Variants in TANC1 observed in about 807,000 individuals in gnomAD.
TANC1 encodes the protein protein TANC1.
TANC1 carries 77 observed loss-of-function variants against 149.7 expected under a neutral mutation model. The ratio of observed to expected loss-of-function variants is 0.51; its 90% CI spans 0.43 to 0.62. The LOEUF (loss-of-function observed/expected upper bound fraction) is 0.62, where lower values mean the gene tolerates loss of function less well. Ranked by LOEUF, TANC1 falls within the 20% of genes least tolerant of loss-of-function variation. TANC1 has a pLI of 0.00. For missense variants in TANC1, 1,985 were observed against 2,321.8 expected, an observed-to-expected ratio of 0.85 and a Z score of 2.98; for synonymous variants, 854 against 925.0, an observed-to-expected ratio of 0.92 and a Z score of 1.39.
intron 16 of TANC1, among the ~76,000 whole-genome samples, 190 bp downstream of exon 16, chr2:159,187,214 T>C (rs2057055487): frequency 1.3e-5 from 2 of 152,224 alleles, no homozygotes; most frequent in Admixed American, 1.3e-4. Context: ...TTAGCTTTTC[T>C]TTGGCAGGAA....
chr2:159,000,126 G>A (rs2036492567), intron 1 of TANC1, among the ~76,000 whole-genome samples: 1 of 152,114 alleles, frequency 6.6e-6, no homozygotes, highest in South Asian at 2.1e-4. Flanking sequence ...GGTGGGAGTT[G>A]GGTTGGGGTA....
rs146778655 is a variant in TANC1, at chr2:159,104,981, C to CT, written c.259+7178dup. 3.2e-4 allele frequency among the ~76,000 whole-genome samples: 14 copies of CT among 43,384 alleles called. 2 individuals are homozygous for CT. The highest frequency in any genetic ancestry group is 7.8e-4 in the African/African-American group (11 of 14,020). The allele number at this position is 43,384 out of a possible 152,430, so 28.5% of individuals were successfully genotyped here. ...AACATTTCTGATTGTTGGATATTTG[C>CT]TTTTTTTTTTTTTTTTTTTTTTTTT... On this transcript the variant is annotated intron_variant, in intron 4 of 26. Coordinates refer to ENST00000263635, the MANE Select transcript of TANC1 (RefSeq NM_033394.3).
intron 25 of TANC1, 119 bp downstream of exon 25, chr2:159,228,084 T>A: frequency 8.9e-7 from 1 of 1,121,708 alleles, no homozygotes; most frequent in South Asian, 1.5e-5. Context: ...TGCTTGCACA[T>A]TTACATGAAC....
Position 159,163,463 on chromosome 2 carries a change from C to T in TANC1, c.863C>T (p.Ala288Val), listed in dbSNP as rs758340201. The T allele has an allele frequency of 7.6e-5, 123 of 1,613,842 alleles. No individual in the cohort carries two copies. The highest frequency in any genetic ancestry group is 9.7e-5 in the Non-Finnish European group (115 of 1,180,024). ...TCAGCAGAGAGCACGCTGCCCAAAG[C>T]AGAATCCTCAGCTGGAGATGGTCCA... ...TGSAESTLPK[A>V]ESSAGDGPVP... is the part of the protein sequence containing the mutation. Residue 288 changes from alanine (A) to valine (V), a missense_variant, in exon 8 of 27, where the codon GCA (alanine) becomes GTA (valine). By Grantham distance (64) the Ala-to-Val change is moderately conservative. Coordinates refer to ENST00000263635, the MANE Select transcript of TANC1 (RefSeq NM_033394.3).
Position 159,201,640 on chromosome 2 carries a change from CTG to C in TANC1, c.3244+2589_3244+2590del, listed in dbSNP as rs369543163. 2.8e-4 allele frequency among the ~76,000 whole-genome samples: 43 copies of C among 152,300 alleles called. No homozygotes were observed. In the East Asian group the frequency reaches 7.3e-3, roughly 26 times the overall value. On this transcript the variant is annotated intron_variant, in intron 19 of 26. Transcript: ENST00000263635. ...TGTGTCCAAAACACTCTAGGATGGACTGTATCTGTCCCTAGCCACAGCACAAG... is the reference window on the plus strand; with the variant it reads ...TGTGTCCAAAACACTCTAGGATGGACTATCTGTCCCTAGCCACAGCACAAG...
At chr2:159,223,319 T>A (rs1201108477) in intron 22 of TANC1, among the ~76,000 whole-genome samples, 5 of 152,098 alleles carry the variant, frequency 3.3e-5, no homozygotes, top group African/African-American at 1.2e-4. Flanking sequence ...TTTTTAATTG[T>A]AGCCATCGTA....
intron 4 of TANC1, among the ~76,000 whole-genome samples, chr2:159,100,749 C>T (rs2046603586): frequency 1.3e-5 from 2 of 152,138 alleles, no homozygotes; most frequent in Non-Finnish European, 2.9e-5. Context: ...TTAAAAATGG[C>T]AGTGACTCAA....
chr2:158,979,860 A>T (rs1277153292), intron 1 of TANC1, among the ~76,000 whole-genome samples: 1 of 152,244 alleles, frequency 6.6e-6, no homozygotes, highest in African/African-American at 2.4e-5. Flanking sequence ...TTGTAGAAAG[A>T]GTCTGACTTA....
intron 4 of TANC1, among the ~76,000 whole-genome samples, chr2:159,108,652 G>T (rs2047421542): frequency 6.6e-6 from 1 of 152,308 alleles, no homozygotes; most frequent in African/African-American, 2.4e-5. Context: ...TGATATTCCA[G>T]CTCGACTCAT....
At chr2:159,164,445 A>C (rs565720478) in intron 8 of TANC1, among the ~76,000 whole-genome samples, 1 of 152,288 alleles carries the variant, frequency 6.6e-6, no homozygotes, top group East Asian at 1.9e-4. Flanking sequence ...CGGTATCCTC[A>C]GGGGGCCCTG....
intron 4 of TANC1, among the ~76,000 whole-genome samples, chr2:159,135,245 C>T (rs148856701): frequency 8.1e-4 from 123 of 152,370 alleles, no homozygotes; most frequent in African/African-American, 2.9e-3. Context: ...TGTTTTCAAG[C>T]TTCATCCATG....
intron 11 of TANC1, among the ~76,000 whole-genome samples, chr2:159,173,300 G>A (rs188691086): frequency 6.6e-6 from 1 of 152,052 alleles, no homozygotes; most frequent in Non-Finnish European, 1.5e-5. Context: ...TTAAAAAATT[G>A]TGGCTCTAAA....
intron 2 of TANC1, among the ~76,000 whole-genome samples, chr2:159,059,901 T>G (rs1261826653): frequency 8.5e-6 from 1 of 117,656 alleles, no homozygotes; most frequent in Non-Finnish European, 1.6e-5. Context: ...TGTGTGTGTG[T>G]GTGTGTGTGT....
intron 8 of TANC1, among the ~76,000 whole-genome samples, chr2:159,167,958 C>G (rs2054778564): frequency 6.6e-6 from 1 of 152,118 alleles, no homozygotes; most frequent in Non-Finnish European, 1.5e-5. Context: ...ACTTCTGTCC[C>G]CTGCACCTTG....
intron 5 of TANC1, chr2:159,148,901 A>G (rs745883734): frequency 4.2e-5 from 16 of 379,370 alleles, no homozygotes; most frequent in Middle Eastern, 1.4e-3. Context: ...CCGTCAGATA[A>G]CACTGGGCTC....
At chr2:159,159,060 A>G (rs923184047) in intron 7 of TANC1, among the ~76,000 whole-genome samples, 1 of 152,226 alleles carries the variant, frequency 6.6e-6, no homozygotes, top group Non-Finnish European at 1.5e-5. Flanking sequence ...ATTTAAGCCT[A>G]TAACTTGATT....
intron 2 of TANC1, among the ~76,000 whole-genome samples, chr2:159,030,287 G>A (rs937230715): frequency 6.6e-6 from 1 of 152,148 alleles, no homozygotes; most frequent in African/African-American, 2.4e-5. Context: ...CTAGAATTTT[G>A]TAGAAATTAC....
intron 16 of TANC1, among the ~76,000 whole-genome samples, chr2:159,190,529 T>C (rs2057363283): frequency 1.3e-5 from 2 of 152,152 alleles, no homozygotes; most frequent in African/African-American, 4.8e-5. Flanking sequence ...TAAAACACTT[T>C]TATTATTTTA....
rs1448203840 is a variant in TANC1 at position 159,194,328 on chromosome 2, C to A, written c.2814C>A (p.Ile938=). 1 of 1,614,148 alleles carries A rather than the reference C, an allele frequency of 6.2e-7. No homozygotes were observed. Among genetic ancestry groups the A allele is most frequent in the African/African-American group, 1.3e-5 (1 of 74,952 alleles). ...CAGAAGTGTTAAATAATGCCCCAATCCTGTGCGTCCAGTCTCACCTTGGCC... is the reference window on the plus strand; with the variant it reads ...CAGAAGTGTTAAATAATGCCCCAATACTGTGCGTCCAGTCTCACCTTGGCC... The part of the protein sequence containing the change: ...YRTEVLNNAP[I]LCVQSHLGHE... Residue 938 remains isoleucine, a synonymous_variant, in exon 17 of 27, where the codon ATC becomes ATA. Transcript: ENST00000263635.
Sources: allele counts gnomAD v4.1 joint callset (sites outside exome capture counted in the v4.1 genomes callset), GRCh38; gene constraint gnomAD v4.1.1; transcripts MANE v1.5; gene names NCBI Gene and HGNC (gene_info 2026-07-23, HGNC 2026-07-21).